ANKRD45: variants seen among roughly 807,000 people sequenced by gnomAD.
The protein encoded by ANKRD45 is ankyrin repeat domain 45, also known as ankyrin repeat domain-containing protein 45.
A neutral mutation model predicts 28.1 loss-of-function variants in ANKRD45; 21 were observed. That is an observed-to-expected ratio of 0.75 (90% CI 0.53 to 1.08). The LOEUF (loss-of-function observed/expected upper bound fraction) is 1.08. Among genes scored for constraint, ANKRD45 ranks in the 50% least tolerant of loss-of-function variants. ANKRD45 has a pLI of 0.00. For missense variants in ANKRD45, 261 were observed against 308.7 expected (o/e 0.85, Z 1.16); for synonymous variants, 86 against 103.9 (o/e 0.83, Z 1.05).
At chr1:173,696,452 T>C in the ANKRD45 span, among the ~76,000 whole-genome samples, 1 of 152,334 alleles carries the variant, frequency 6.6e-6, no homozygotes, top group African/African-American at 2.4e-5. Flanking sequence ...TTTTTGTCTA[T>C]GGTGAAACAT....
intron 3 of ANKRD45, among the ~76,000 whole-genome samples, chr1:173,627,513 TCC>T (rs919951385): frequency 2.0e-5 from 3 of 152,086 alleles, no homozygotes; most frequent in Admixed American, 2.0e-4. Flanking sequence ...GCTCAATGCT[TCC>T]CTATCATAGA....
the ANKRD45 span, among the ~76,000 whole-genome samples, chr1:173,705,197 C>A: frequency 6.6e-6 from 1 of 152,128 alleles, no homozygotes; most frequent in Non-Finnish European, 1.5e-5. Context: ...TACATTACAG[C>A]ATTAACTATG....
the ANKRD45 span, among the ~76,000 whole-genome samples, chr1:173,678,812 A>G: frequency 6.6e-6 from 1 of 152,190 alleles, no homozygotes; most frequent in Non-Finnish European, 1.5e-5. Flanking sequence ...AAACCCAACT[A>G]TATCAGCCCC....
intron 3 of ANKRD45, chr1:173,635,437 A>G (rs1179222149): frequency 1.0e-6 from 1 of 993,654 alleles, no homozygotes; most frequent in South Asian, 1.8e-5. Flanking sequence ...TAGGGAATTT[A>G]GTTATTTTAT....
intron 5 of ANKRD45, among the ~76,000 whole-genome samples, chr1:173,623,672 C>T (rs1667798634): frequency 6.6e-6 from 1 of 152,018 alleles, no homozygotes; most frequent in Admixed American, 6.6e-5. Context: ...ATGTTCATTG[C>T]AGCACTATCC....
At chr1:173,649,346 C>T (rs1273619273) in intron 2 of ANKRD45, among the ~76,000 whole-genome samples, 1 of 152,128 alleles carries the variant, frequency 6.6e-6, no homozygotes, top group Non-Finnish European at 1.5e-5. Context: ...AAGGAATTCC[C>T]ATTTCCTACA....
rs12059066 is a variant in ANKRD45, at chr1:173,627,118, A to T, written c.538T>A (p.Leu180Ile). The T allele has an allele frequency of 0.032, 51,909 of 1,611,856 alleles. 13,715 individuals are homozygous for T. The African/African-American group carries it at 0.6, about 19-fold the overall frequency. The change falls in exon 4 of 6, where the codon TTA becomes ATA. Residue 180 changes from leucine (L) to isoleucine (I), a missense_variant. Leu to Ile is a conservative substitution (Grantham distance 5). Coordinates refer to ENST00000333279, the MANE Select transcript of ANKRD45 (RefSeq NM_198493.3). Reference protein sequence around the residue: ...TLKKYIAKVSLAVTDTEKGSG... With the variant: ...TLKKYIAKVSIAVTDTEKGSG... ...CCCTTTTCTGTGTCAGTAACAGCTA[A>T]AGAGACTTTTGCAATATATTTTTTC...
chr1:173,702,621 G>C, the ANKRD45 span, among the ~76,000 whole-genome samples: 1,077 of 152,070 alleles, frequency 7.1e-3, 9 homozygotes, highest in African/African-American at 0.025. Context: ...AGGAAGGTAG[G>C]GGGTAAGTGC....
At chr1:173,675,202 C>T in the ANKRD45 span, 13 of 208,714 alleles carry the variant, frequency 6.2e-5, no homozygotes, top group African/African-American at 1.9e-4. Context: ...AGCTTCAGTT[C>T]GCAGGGCTTT....
At chr1:173,672,926 G>A (rs1010262685), upstream of ANKRD45, among the ~76,000 whole-genome samples, 1 of 152,226 alleles carries the variant, frequency 6.6e-6, no homozygotes, top group African/African-American at 2.4e-5. Context: ...GACAGTGAAG[G>A]CCTGGTGAAC....
At chr1:173,635,776 T>G in intron 3 of ANKRD45, 5 of 1,535,562 alleles carry the variant, frequency 3.3e-6, no homozygotes, top group Non-Finnish European at 4.4e-6. Context: ...TATTACAAGC[T>G]GTCTTCTTCG....
the ANKRD45 span, among the ~76,000 whole-genome samples, chr1:173,682,684 T>TACAC: frequency 0.01 from 1,447 of 144,022 alleles, 15 homozygotes; most frequent in African/African-American, 0.026. Context: ...GCCTTTTAAA[T>TACAC]ACACACACAC....
chr1:173,638,701 G>C (rs1668570508), intron 3 of ANKRD45, among the ~76,000 whole-genome samples: 1 of 152,174 alleles, frequency 6.6e-6, no homozygotes, highest in Non-Finnish European at 1.5e-5. Flanking sequence ...CACCAAGTTA[G>C]AGCTATTTTA....
chr1:173,656,521 G>A (rs1054267520), intron 2 of ANKRD45, among the ~76,000 whole-genome samples: 2 of 152,172 alleles, frequency 1.3e-5, no homozygotes, highest in Non-Finnish European at 1.5e-5. Context: ...TGTATAACTA[G>A]TTATCTGGAG....
At chr1:173,675,718 ATAGT>A in the ANKRD45 span, among the ~76,000 whole-genome samples, 335 of 152,368 alleles carry the variant, frequency 2.2e-3, 2 homozygotes, top group African/African-American at 7.5e-3. Flanking sequence ...CGGGTGTACT[ATAGT>A]TTTTTAAACA....
chr1:173,610,400 C>T (rs1050533537), intron 5 of ANKRD45, among the ~76,000 whole-genome samples, 185 bp from the exon 6 acceptor site: 1 of 152,172 alleles, frequency 6.6e-6, no homozygotes, highest in African/African-American at 2.4e-5. Context: ...ATATTTAAAG[C>T]TGTGAGGTCA....
At chr1:173,648,842 T>G (rs1270186296) in intron 2 of ANKRD45, among the ~76,000 whole-genome samples, 2 of 152,196 alleles carry the variant, frequency 1.3e-5, no homozygotes, top group Non-Finnish European at 2.9e-5. Flanking sequence ...TAGTATGGTT[T>G]TCAGGTATTA....
At chr1:173,631,337 G>C (rs533386908) in intron 3 of ANKRD45, among the ~76,000 whole-genome samples, 1 of 152,142 alleles carries the variant, frequency 6.6e-6, no homozygotes, top group South Asian at 2.1e-4. Context: ...AATATTACTA[G>C]AGCTTAAGAG....
In ANKRD45 at chr1:173,646,919, G is replaced by C. The variant is rs772308539; in HGVS notation, c.423C>G (p.Phe141Leu). ...ELDVDIEALN[F>L]REERARDVAA... ...CAACATCTCGAGCCCTTTCTTCCCG[G>C]AAGTTCAAAGCTTCTATATCAACAT... The change falls in exon 3 of 6, where the codon TTC (phenylalanine) becomes TTG (leucine). Residue 141 changes from phenylalanine (F) to leucine (L), a missense_variant. Phe to Leu is a conservative substitution (Grantham distance 22). Coordinates refer to ENST00000333279, the MANE Select transcript of ANKRD45 (RefSeq NM_198493.3). 1.9e-6 allele frequency: 3 copies of C among 1,614,076 alleles called. No individual in the cohort carries two copies. The highest frequency in any genetic ancestry group is 2.5e-6 in the Non-Finnish European group (3 of 1,180,008).
Sources: allele counts gnomAD v4.1 joint callset (sites outside exome capture counted in the v4.1 genomes callset), GRCh38; gene constraint gnomAD v4.1.1; transcripts MANE v1.5; gene names NCBI Gene and HGNC (gene_info 2026-07-23, HGNC 2026-07-21).